NAV2: variants seen among roughly 807,000 people sequenced by gnomAD.
NAV2 encodes the protein neuron navigator 2.
In NAV2, 54 loss-of-function variants were observed where a neutral mutation model predicts 223.2. The ratio of observed to expected loss-of-function variants is 0.24; its 90% CI spans 0.19 to 0.30. The LOEUF (loss-of-function observed/expected upper bound fraction) is 0.30. Among genes scored for constraint, NAV2 ranks in the 10% least tolerant of loss-of-function variants. The pLI is 1.00. For synonymous variants in NAV2, 1,279 were observed against 1,239.3 expected, an observed-to-expected ratio of 1.03 and a Z score of -0.67; for missense variants, 2,806 against 3,147.5, an observed-to-expected ratio of 0.89 and a Z score of 2.60.
intron 1 of NAV2, among the ~76,000 whole-genome samples, chr11:19,614,099 G>T (rs184892908): frequency 6.6e-6 from 1 of 152,146 alleles, no homozygotes; most frequent in African/African-American, 2.4e-5. Flanking sequence ...AGAGGGTTGT[G>T]GTCTTACCCT....
At position 19,892,549 on chromosome 11, in the gene NAV2, A is replaced by G. The variant is rs750778412; in HGVS notation, c.886A>G (p.Lys296Glu). ...SQSFNNYDKS[K>E]PVTSPPPPPS... ...GAGCTTTAACAACTATGATAAATCC[A>G]AACCAGTCACCTCCCCACCCCCACC... The change falls in exon 6 of 38, where the codon AAA (lysine) becomes GAA (glutamate). Residue 296 changes from lysine to glutamate, a missense_variant. By Grantham distance (56) the Lys-to-Glu change is moderately conservative (BLOSUM62 1). Transcript: ENST00000349880. 1 of 1,614,120 alleles carries G rather than the reference A, an allele frequency of 6.2e-7. No homozygotes were observed. Among genetic ancestry groups the G allele is most frequent in the Admixed American group, 1.7e-5 (1 of 60,024 alleles).
chr11:19,527,894 G>T (rs1426806978), intron 1 of NAV2, among the ~76,000 whole-genome samples: 1 of 149,822 alleles, frequency 6.7e-6, no homozygotes, highest in Non-Finnish European at 1.5e-5. Flanking sequence ...TCCCTGTGGG[G>T]TTGAGGGTGC....
intron 1 of NAV2, among the ~76,000 whole-genome samples, chr11:19,598,097 G>A (rs553636368): frequency 2.7e-4 from 41 of 152,358 alleles, no homozygotes; most frequent in East Asian, 1.9e-3. Context: ...AGATGCCGCC[G>A]CCCCCTGACA....
At chr11:20,034,352 TTTTTTTTTTG>T (rs1392040759) in intron 11 of NAV2, among the ~76,000 whole-genome samples, 1 of 32,040 alleles carries the variant, frequency 3.1e-5, no homozygotes, top group African/African-American at 1.4e-4. Flanking sequence ...GATCAGCAAG[TTTTTTTTTTG>T]TTTTTTTTTT....
intron 1 of NAV2, among the ~76,000 whole-genome samples, chr11:19,548,014 C>A (rs1402674028): frequency 6.6e-6 from 1 of 152,166 alleles, no homozygotes; most frequent in African/African-American, 2.4e-5. Context: ...TAACCAGCCA[C>A]ACATCACCTA....
At chr11:19,943,840 A>G (rs1045505998) in intron 8 of NAV2, among the ~76,000 whole-genome samples, 13 of 152,266 alleles carry the variant, frequency 8.5e-5, no homozygotes, top group Admixed American at 6.5e-4. Context: ...GGGAGAAAAT[A>G]TATAATTCTA....
intron 1 of NAV2, among the ~76,000 whole-genome samples, chr11:19,388,342 C>T (rs915626727): frequency 6.6e-6 from 1 of 152,194 alleles, no homozygotes; most frequent in African/African-American, 2.4e-5. Flanking sequence ...TGTTCCCAGT[C>T]CCAGAAAAAG....
At chr11:19,626,227 G>T (rs981099846) in intron 1 of NAV2, among the ~76,000 whole-genome samples, 4 of 152,112 alleles carry the variant, frequency 2.6e-5, no homozygotes, top group Admixed American at 1.3e-4. Flanking sequence ...GAGAGATGGA[G>T]GTCTGTTTTC....
chr11:19,832,413 G>T, intron 1 of NAV2, 71 bp from the exon 2 acceptor site: 1 of 1,213,096 alleles, frequency 8.2e-7, no homozygotes, highest in South Asian at 1.3e-5. Context: ...GTGCCGGCCC[G>T]AGCAGCTGCC....
chr11:19,706,682 G>A (rs1590121564), intron 1 of NAV2, among the ~76,000 whole-genome samples: 1 of 152,324 alleles, frequency 6.6e-6, no homozygotes, highest in East Asian at 1.9e-4. Context: ...CCATCATAAT[G>A]CCCAAAGCCA....
At chr11:19,750,883 T>C (rs1222579068) in intron 1 of NAV2, among the ~76,000 whole-genome samples, 1 of 152,202 alleles carries the variant, frequency 6.6e-6, no homozygotes, top group Non-Finnish European at 1.5e-5. Flanking sequence ...CTATACACTG[T>C]GCTAAGTGCT....
chr11:19,750,624 A>C (rs548708414), intron 1 of NAV2, among the ~76,000 whole-genome samples: 2 of 152,342 alleles, frequency 1.3e-5, no homozygotes, highest in South Asian at 4.1e-4. Flanking sequence ...AAGTTATAGA[A>C]TGTCCCGTGT....
chr11:19,488,292 T>C (rs965308554), intron 1 of NAV2, among the ~76,000 whole-genome samples: 5 of 152,206 alleles, frequency 3.3e-5, no homozygotes, highest in African/African-American at 1.2e-4. Flanking sequence ...CTAAATACAG[T>C]GATGTTATAA....
At chr11:19,617,141 T>C (rs1480835584) in intron 1 of NAV2, among the ~76,000 whole-genome samples, 1 of 152,128 alleles carries the variant, frequency 6.6e-6, no homozygotes, top group African/African-American at 2.4e-5. Flanking sequence ...CAACACCACA[T>C]GTTTCTTTTC....
chr11:19,828,837 T>A (rs2059789275), intron 1 of NAV2, among the ~76,000 whole-genome samples: 2 of 152,144 alleles, frequency 1.3e-5, no homozygotes, highest in South Asian at 4.1e-4. Flanking sequence ...TGTAGGTAAA[T>A]CAAAGTTGAG....
chr11:19,692,312 G>A (rs1011745786), intron 1 of NAV2, among the ~76,000 whole-genome samples: 3 of 152,222 alleles, frequency 2.0e-5, no homozygotes, highest in Non-Finnish European at 2.9e-5. Flanking sequence ...TGTACCCCCC[G>A]GAAACCCAGG....
intron 1 of NAV2, among the ~76,000 whole-genome samples, chr11:19,472,664 C>A (rs2042000054): frequency 6.6e-6 from 1 of 152,068 alleles, no homozygotes; most frequent in African/African-American, 2.4e-5. Flanking sequence ...AAACTCCTGG[C>A]CCCTAGCAGG....
intron 1 of NAV2, among the ~76,000 whole-genome samples, chr11:19,453,063 G>T (rs904067878): frequency 6.6e-6 from 1 of 152,206 alleles, no homozygotes; most frequent in Non-Finnish European, 1.5e-5. Context: ...GTAAGTGCGA[G>T]TTAGGGTTTG....
chr11:19,730,450 G>A (rs2051661965), intron 1 of NAV2, among the ~76,000 whole-genome samples: 1 of 152,228 alleles, frequency 6.6e-6, no homozygotes, highest in Non-Finnish European at 1.5e-5. Flanking sequence ...GAGGCTCCAG[G>A]GCAGGATGAC....
Sources: allele counts gnomAD v4.1 joint callset (sites outside exome capture counted in the v4.1 genomes callset), GRCh38; gene constraint gnomAD v4.1.1; transcripts MANE v1.5; gene names NCBI Gene and HGNC (gene_info 2026-07-23, HGNC 2026-07-21).